Variants in RYR2 observed in about 807,000 individuals in gnomAD.
The protein encoded by RYR2 is cardiac muscle ryanodine receptor-calcium release channel.
RYR2 carries 227 observed loss-of-function variants against 601.1 expected under a neutral mutation model. That is an observed-to-expected ratio of 0.38 (90% CI 0.34 to 0.42). The LOEUF is 0.42. Among genes scored for constraint, RYR2 ranks in the 10% least tolerant of loss-of-function variants. The probability of loss-of-function intolerance (pLI) is 1.00; values close to 1 mark genes in which losing one functional copy is unlikely to be tolerated. For missense variants in RYR2, 4,646 were observed against 6,156.5 expected, an observed-to-expected ratio of 0.75 and a Z score of 8.21; for synonymous variants, 2,223 against 2,175.1, an observed-to-expected ratio of 1.02 and a Z score of -0.61.
intron 3 of RYR2, among the ~76,000 whole-genome samples, chr1:237,352,299 A>T (rs2149676887): frequency 6.6e-6 from 1 of 152,182 alleles, no homozygotes; most frequent in Middle Eastern, 3.4e-3. Context: ...ATATTTTTAT[A>T]TTCTAGTAAA....
rs1343293420 is a variant in RYR2, at chr1:237,454,448, G to T, written c.1350G>T (p.Glu450Asp). The change falls in exon 15 of 105, where the codon GAG becomes GAT. Residue 450 changes from glutamate to aspartate, a missense_variant. Transcript: ENST00000366574. ...CTTCCACAGTCGATTTGCCTATAGA[G>T]TCCGTAAGCCTAAGTCTGCAGGATC... ...AKASTVDLPI[E>D]SVSLSLQDLI... 1 of 1,613,446 alleles carries T rather than the reference G, an allele frequency of 6.2e-7. No individual in the cohort carries two copies. Among genetic ancestry groups the T allele is most frequent in the East Asian group, 2.2e-5 (1 of 44,872 alleles).
At chr1:237,345,301 C>T (rs1390246614) in intron 3 of RYR2, among the ~76,000 whole-genome samples, 7 of 151,916 alleles carry the variant, frequency 4.6e-5, no homozygotes, top group Non-Finnish European at 1.0e-4. Flanking sequence ...CTGTATTCCT[C>T]TGTGTACCTG....
intron 1 of RYR2, among the ~76,000 whole-genome samples, chr1:237,182,591 A>C (rs997284943): frequency 2.0e-5 from 3 of 152,224 alleles, no homozygotes; most frequent in Non-Finnish European, 4.4e-5. Flanking sequence ...AACTTTATAA[A>C]AATGGTATCA....
intron 14 of RYR2, among the ~76,000 whole-genome samples, chr1:237,453,551 A>G (rs1284222140): frequency 6.6e-6 from 1 of 152,194 alleles, no homozygotes; most frequent in African/African-American, 2.4e-5. Context: ...CAGGAATGGA[A>G]GTGTAATATT....
intron 1 of RYR2, among the ~76,000 whole-genome samples, chr1:237,103,620 G>A (rs1668358463): frequency 6.6e-6 from 1 of 152,206 alleles, no homozygotes; most frequent in African/African-American, 2.4e-5. Context: ...CCAGGCTGGA[G>A]TGCAATGCCA....
chr1:237,496,277 AC>A (rs1377415774), intron 19 of RYR2, among the ~76,000 whole-genome samples: 2 of 152,040 alleles, frequency 1.3e-5, no homozygotes, highest in African/African-American at 4.8e-5. Flanking sequence ...GCGTGGTGGC[AC>A]TCGCCTTTAG....
chr1:237,403,409 T>A (rs1425841222), intron 10 of RYR2, among the ~76,000 whole-genome samples: 1 of 152,158 alleles, frequency 6.6e-6, no homozygotes, highest in African/African-American at 2.4e-5. Flanking sequence ...AAATTTTATA[T>A]CCGGTAACAC....
At chr1:237,508,372 A>T (rs1665481932) in intron 23 of RYR2, among the ~76,000 whole-genome samples, 1 of 152,164 alleles carries the variant, frequency 6.6e-6, no homozygotes, top group Admixed American at 6.5e-5. Context: ...ATCAATTGCC[A>T]GAGGAATTAC....
In RYR2 at chr1:237,180,741, TATATA is replaced by T; in HGVS notation, c.49-89752_49-89748del. Among the ~76,000 whole-genome samples, 1 of 148,006 alleles carries T rather than the reference TATATA, an allele frequency of 6.8e-6. No individual in the cohort carries two copies. Among genetic ancestry groups the T allele is most frequent in the African/African-American group, 2.5e-5 (1 of 40,798 alleles). ...ATACATATACATAGATATATGCTAT[TATATA>T]ATAAATATTAATATGTTAATAGTAA... On this transcript the variant is annotated intron_variant, in intron 1 of 104. Coordinates refer to ENST00000366574, the MANE Select transcript of RYR2 (RefSeq NM_001035.3). The surrounding 1 kb of genome is among the most constrained non-coding windows in gnomAD (Gnocchi z 5.3).
intron 25 of RYR2, among the ~76,000 whole-genome samples, chr1:237,532,213 G>T (rs1211593022): frequency 6.6e-6 from 1 of 152,036 alleles, no homozygotes. Context: ...ATTGGAAATA[G>T]CTCATAGTAA....
intron 24 of RYR2, among the ~76,000 whole-genome samples, chr1:237,529,314 G>A (rs1006139886): frequency 2.0e-5 from 3 of 152,058 alleles, no homozygotes; most frequent in South Asian, 2.1e-4. Flanking sequence ...GCAATTTAAC[G>A]CTAGAAAGAT....
At chr1:237,703,896 G>T (rs1462335359) in intron 66 of RYR2, among the ~76,000 whole-genome samples, 1 of 151,848 alleles carries the variant, frequency 6.6e-6, no homozygotes, top group Non-Finnish European at 1.5e-5. Flanking sequence ...CAGATACTAG[G>T]ATACAGAAAT....
In RYR2 at chr1:237,759,808, T is replaced by C. The variant is rs908734025; in HGVS notation, c.11358T>C (p.Asp3786=). The part of the protein sequence containing the change: ...KMLDYLKEKK[D]VGFFQSLAGL... ...TTGACTACCTCAAGGAGAAAAAGGA[T>C]GTGGGCTTCTTTCAGAGCCTGGCCG... Residue 3786 remains aspartate (D), a synonymous_variant, in exon 83 of 105, where the codon GAT becomes GAC. Transcript: ENST00000366574. 6.2e-7 allele frequency: 1 copy of C among 1,613,264 alleles called. No homozygotes were observed. Among genetic ancestry groups the C allele is most frequent in the East Asian group, 2.2e-5 (1 of 44,840 alleles).
chr1:237,467,506 C>T (rs919515246), intron 16 of RYR2, among the ~76,000 whole-genome samples: 33 of 152,052 alleles, frequency 2.2e-4, no homozygotes, highest in Non-Finnish European at 1.3e-4. Flanking sequence ...GTGAGTATAT[C>T]TCGATGGCTG....
chr1:237,712,256 A>T (rs932194624), intron 71 of RYR2, among the ~76,000 whole-genome samples: 1 of 152,076 alleles, frequency 6.6e-6, no homozygotes, highest in African/African-American at 2.4e-5. Context: ...AATACTTTTC[A>T]GGGGCTCCAC....
chr1:237,623,909 GT>G (rs1158936642), intron 39 of RYR2, 39 bp downstream of exon 39: 2 of 1,347,282 alleles, frequency 1.5e-6, no homozygotes, highest in Non-Finnish European at 2.1e-6. Context: ...TTAATTGTAT[GT>G]TTTTAATCCA....
At chr1:237,592,691 C>G (rs941673879) in intron 32 of RYR2, among the ~76,000 whole-genome samples, 1 of 150,366 alleles carries the variant, frequency 6.7e-6, no homozygotes, top group Non-Finnish European at 1.5e-5. Context: ...AAGGAAAGGC[C>G]AAGAACATGC....
In RYR2 at chr1:237,763,434, C is replaced by T. The variant is rs1400982133; in HGVS notation, c.11476+2406C>T. Reference sequence around the variant, plus strand: ...AGTTGCCTTCCAAGTATTGGGAGGCCTACTGAGTTTTTCCTCTATTCCTTT... The same window carrying T: ...AGTTGCCTTCCAAGTATTGGGAGGCTTACTGAGTTTTTCCTCTATTCCTTT... On this transcript the variant is annotated intron_variant, in intron 84 of 104. Transcript: ENST00000366574. Among the ~76,000 whole-genome samples the T allele has an allele frequency of 2.0e-5, 3 of 152,164 alleles. No individual in the cohort carries two copies. In the East Asian group the frequency reaches 5.8e-4, roughly 29 times the overall value.
chr1:237,189,546 TGAATGG>T (rs1679737368), intron 1 of RYR2, among the ~76,000 whole-genome samples: 1 of 152,178 alleles, frequency 6.6e-6, no homozygotes, highest in Non-Finnish European at 1.5e-5. Context: ...GAGGTGCTCA[TGAATGG>T]GATATAGTGT....
Sources: allele counts gnomAD v4.1 joint callset (sites outside exome capture counted in the v4.1 genomes callset), GRCh38; gene constraint gnomAD v4.1.1; non-coding constraint Gnocchi (gnomAD v3.1); transcripts MANE v1.5; gene names NCBI Gene and HGNC (gene_info 2026-07-23, HGNC 2026-07-21).